Variants in CNKSR3 observed in about 807,000 individuals in gnomAD.
CNKSR3 encodes connector enhancer of kinase suppressor of ras 3.
In CNKSR3, 36 loss-of-function variants were observed where a neutral mutation model predicts 67.7. That is an observed-to-expected ratio of 0.53 (90% CI 0.41 to 0.70). The LOEUF (loss-of-function observed/expected upper bound fraction) is 0.70. Ranked by LOEUF, CNKSR3 falls within the 30% of genes least tolerant of loss-of-function variation. CNKSR3 has a pLI of 0.00. For synonymous variants in CNKSR3, 281 were observed against 271.4 expected (o/e 1.04, Z -0.35); for missense variants, 630 against 695.2 (o/e 0.91, Z 1.05).
intron 10 of CNKSR3, 93 bp downstream of exon 10, chr6:154,414,206 C>G: frequency 7.3e-7 from 1 of 1,363,980 alleles, no homozygotes; most frequent in Non-Finnish European, 9.8e-7. Context: ...TGTGGCTCAG[C>G]AACTTCCTCT....
intron 1 of CNKSR3, among the ~76,000 whole-genome samples, chr6:154,506,248 G>A (rs1195116048): frequency 2.0e-5 from 3 of 151,018 alleles, no homozygotes; most frequent in African/African-American, 7.3e-5. Context: ...AAAAAGAAAG[G>A]AAGGGAAAAA....
chr6:154,443,607 A>C (rs1785648951), intron 2 of CNKSR3, among the ~76,000 whole-genome samples: 1 of 152,124 alleles, frequency 6.6e-6, no homozygotes, highest in Admixed American at 6.5e-5. Context: ...ACAGTGGACA[A>C]TCATAGAGTC....
chr6:154,444,894 T>C (rs1280204957), intron 2 of CNKSR3, among the ~76,000 whole-genome samples: 2 of 152,144 alleles, frequency 1.3e-5, no homozygotes, highest in East Asian at 1.9e-4. Flanking sequence ...CATGAACCAC[T>C]GCACCCGGCT....
At chr6:154,406,878 G>A (rs576931037) in intron 12 of CNKSR3, among the ~76,000 whole-genome samples, 2 of 151,802 alleles carry the variant, frequency 1.3e-5, no homozygotes, top group African/African-American at 2.4e-5. Flanking sequence ...GTTTGAACCC[G>A]AGAGGCGGAG....
intron 2 of CNKSR3, among the ~76,000 whole-genome samples, chr6:154,448,405 T>C (rs1192392735): frequency 1.4e-5 from 1 of 72,994 alleles, no homozygotes; most frequent in Non-Finnish European, 2.9e-5. Flanking sequence ...CCAGAAAGTA[T>C]AATAAAAGTA....
chr6:154,408,417 G>A (rs1784845392), intron 12 of CNKSR3, among the ~76,000 whole-genome samples: 1 of 152,172 alleles, frequency 6.6e-6, no homozygotes, highest in Admixed American at 6.5e-5. Context: ...TTATTTCTTA[G>A]GTCAGAGAAA....
In CNKSR3 at chr6:154,393,700, T is replaced by C. The variant is rs1784631048; in HGVS notation, c.*12654A>G. On this transcript the variant is annotated 3_prime_UTR_variant, in exon 13 of 13. Coordinates refer to ENST00000607772, the MANE Select transcript of CNKSR3 (RefSeq NM_173515.4). Reference sequence around the variant, plus strand: ...GTCTTTTCTTTTGTACTCAGCCCTTTTACTGTCTTCTATAAGAAATCTTTC... The same window carrying C: ...GTCTTTTCTTTTGTACTCAGCCCTTCTACTGTCTTCTATAAGAAATCTTTC... The C allele has an allele frequency of 6.6e-6, 1 of 152,176 alleles. No homozygotes were observed. The highest frequency in any genetic ancestry group is 6.5e-5 in the Admixed American group (1 of 15,278). The allele number at this position is 152,176 out of a possible 1,614,324, so 9.4% of individuals were successfully genotyped here.
At chr6:154,428,454 G>A (rs1785299071) in intron 6 of CNKSR3, among the ~76,000 whole-genome samples, 1 of 152,212 alleles carries the variant, frequency 6.6e-6, no homozygotes, top group African/African-American at 2.4e-5. Context: ...CAACTCCGAG[G>A]ATGTGGGAGT....
intron 2 of CNKSR3, among the ~76,000 whole-genome samples, chr6:154,443,683 A>C (rs1054599221): frequency 5.9e-5 from 9 of 152,104 alleles, no homozygotes; most frequent in Non-Finnish European, 1.0e-4. Context: ...GCACTAACTA[A>C]ACACCAATTC....
At chr6:154,464,100 G>A (rs1223697593) in intron 1 of CNKSR3, among the ~76,000 whole-genome samples, 2 of 152,210 alleles carry the variant, frequency 1.3e-5, no homozygotes, top group Non-Finnish European at 2.9e-5. Context: ...ATTAAGAGAA[G>A]AACTGTAAAG....
intron 9 of CNKSR3, among the ~76,000 whole-genome samples, chr6:154,418,982 A>G (rs1785078972): frequency 6.7e-6 from 1 of 150,160 alleles, no homozygotes. Flanking sequence ...AAACACAAAG[A>G]ACCTGATTTT....
Position 154,402,509 on chromosome 6 carries a change from G to GCTGCT in CNKSR3, c.*3840_*3844dup, listed in dbSNP as rs1463169160. On this transcript the variant is annotated 3_prime_UTR_variant, in exon 13 of 13. Transcript: ENST00000607772. ...TTATGAGCAAGAAAGCCAGAGCCAG[G>GCTGCT]CTGCTTTCATTTTAATCCCAGCTCT... 1 of 152,146 alleles carries GCTGCT rather than the reference G, an allele frequency of 6.6e-6. No individual in the cohort carries two copies. Among genetic ancestry groups the GCTGCT allele is most frequent in the Non-Finnish European group, 1.5e-5 (1 of 68,030 alleles). The allele number at this position is 152,146 out of a possible 1,614,324, so 9.4% of individuals were successfully genotyped here. A position where few individuals can be genotyped will look rare whatever the true frequency, so the allele number is the denominator to read the frequency against.
chr6:154,483,894 G>A (rs1257718141), intron 1 of CNKSR3, among the ~76,000 whole-genome samples: 1 of 152,186 alleles, frequency 6.6e-6, no homozygotes, highest in Non-Finnish European at 1.5e-5. Context: ...TCACACAGAA[G>A]GTTAATAAGG....
intron 1 of CNKSR3, among the ~76,000 whole-genome samples, chr6:154,509,280 C>T (rs1243260832): frequency 6.6e-6 from 1 of 151,986 alleles, no homozygotes; most frequent in South Asian, 2.1e-4. Flanking sequence ...GGAGGACAAG[C>T]TTCTACCTCT....
At position 154,400,472 on chromosome 6, in the gene CNKSR3, G is replaced by C. The variant is rs1784705010; in HGVS notation, c.*5882C>G. 6.6e-6 allele frequency: 1 copy of C among 152,204 alleles called. No homozygotes were observed. The highest frequency in any genetic ancestry group is 1.5e-5 in the Non-Finnish European group (1 of 68,050). 9.4% of individuals were successfully genotyped at this position (152,204 alleles called of 1,614,324 possible). A position where few individuals can be genotyped will look rare whatever the true frequency, so the allele number is the denominator to read the frequency against. On this transcript the variant is annotated 3_prime_UTR_variant, in exon 13 of 13. Coordinates refer to ENST00000607772, the MANE Select transcript of CNKSR3 (RefSeq NM_173515.4). ...CACTGACCCCATGTGTATTTCTATG[G>C]AAGGGGAGTGCAGTATGTGGCCCAA... is the stretch of plus-strand genomic sequence containing the variant.
intron 1 of CNKSR3, among the ~76,000 whole-genome samples, chr6:154,484,964 G>A (rs2114642689): frequency 6.6e-6 from 1 of 152,280 alleles, no homozygotes; most frequent in East Asian, 1.9e-4. Context: ...CTTTGGAGAG[G>A]TGGTTTTTAG....
In CNKSR3 at chr6:154,400,248, A is replaced by G; in HGVS notation, c.*6106T>C. The G allele has an allele frequency of 6.6e-6, 1 of 152,232 alleles. No individual in the cohort carries two copies. The highest frequency in any genetic ancestry group is 1.5e-5 in the Non-Finnish European group (1 of 68,058). 9.4% of individuals were successfully genotyped at this position (152,232 alleles called of 1,614,324 possible). On this transcript the variant is annotated 3_prime_UTR_variant, in exon 13 of 13. Transcript: ENST00000607772. ...TCAGAGAGCAGTGACTCCAATGGTC[A>G]GTGACATGCAGGAGGAAACGCAGGA... is the stretch of plus-strand genomic sequence containing the variant.
At chr6:154,492,747 AAAAAAAAAAAACAAAAAAC>A (rs1786805158) in intron 1 of CNKSR3, among the ~76,000 whole-genome samples, 2 of 148,540 alleles carry the variant, frequency 1.3e-5, no homozygotes, top group African/African-American at 2.5e-5. Flanking sequence ...CTCTGTCTCA[AAAAAAAAAAAACAAAAAAC>A]AAAAAAAAAA....
intron 9 of CNKSR3, among the ~76,000 whole-genome samples, chr6:154,420,644 C>G (rs1166170458): frequency 2.8e-5 from 4 of 141,122 alleles, no homozygotes; most frequent in East Asian, 2.1e-4. Flanking sequence ...AGCCGAGATC[C>G]CGCCACTGCA....
Sources: allele counts gnomAD v4.1 joint callset (sites outside exome capture counted in the v4.1 genomes callset), GRCh38; gene constraint gnomAD v4.1.1; transcripts MANE v1.5; gene names NCBI Gene and HGNC (gene_info 2026-07-23, HGNC 2026-07-21).